FILIP1: variants seen among roughly 807,000 people sequenced by gnomAD.
The protein encoded by FILIP1 is filamin-A-interacting protein 1.
In FILIP1, 61 loss-of-function variants were observed where a neutral mutation model predicts 102.1. The observed-to-expected ratio is 0.60, with a 90% CI of 0.49 to 0.74. The LOEUF is 0.74. FILIP1 is among the 30% of genes least tolerant of loss of function. The pLI, the probability that FILIP1 is intolerant of heterozygous loss-of-function variation, is 0.00. For synonymous variants in FILIP1, 491 were observed against 526.9 expected, an observed-to-expected ratio of 0.93 and a Z score of 0.93; for missense variants, 1,314 against 1,441.2, an observed-to-expected ratio of 0.91 and a Z score of 1.43.
At chr6:75,376,579 G>T (rs936613827) in intron 2 of FILIP1, among the ~76,000 whole-genome samples, 7 of 151,996 alleles carry the variant, frequency 4.6e-5, no homozygotes, top group Admixed American at 4.6e-4. Flanking sequence ...GACATACAGT[G>T]AGGCCCAATG....
At chr6:75,392,034 C>G (rs1487195620) in intron 2 of FILIP1, among the ~76,000 whole-genome samples, 1 of 152,246 alleles carries the variant, frequency 6.6e-6, no homozygotes, top group African/African-American at 2.4e-5. Context: ...GCATCTGACA[C>G]TTTGGATCTT....
chr6:75,450,817 T>C (rs1254059313), intron 1 of FILIP1, among the ~76,000 whole-genome samples: 1 of 151,884 alleles, frequency 6.6e-6, no homozygotes, highest in Non-Finnish European at 1.5e-5. Context: ...TAGCCGGGCA[T>C]GGTGGTGCAT....
intron 1 of FILIP1, among the ~76,000 whole-genome samples, chr6:75,425,275 T>C (rs1340703227): frequency 1.3e-5 from 2 of 152,218 alleles, no homozygotes; most frequent in African/African-American, 2.4e-5. Context: ...TTAGTTGCTA[T>C]GTGAATGCCA....
chr6:75,468,519 G>A (rs901270725), intron 1 of FILIP1, among the ~76,000 whole-genome samples: 1 of 152,116 alleles, frequency 6.6e-6, no homozygotes, highest in Admixed American at 6.5e-5. Flanking sequence ...AAATGAGAAT[G>A]GACACAAAGA....
intron 1 of FILIP1, among the ~76,000 whole-genome samples, chr6:75,487,984 G>A (rs1364495541): frequency 2.0e-5 from 3 of 151,918 alleles, no homozygotes; most frequent in Non-Finnish European, 4.4e-5. Flanking sequence ...TAAACCTTAA[G>A]GGCTCAATTA....
chr6:75,473,697 C>T (rs937593572), intron 1 of FILIP1: 1 of 152,126 alleles, frequency 6.6e-6, no homozygotes. Flanking sequence ...TTTGGGACAA[C>T]GTATAACAAT....
At chr6:75,424,288 G>A (rs921779263) in intron 1 of FILIP1, among the ~76,000 whole-genome samples, 3 of 152,120 alleles carry the variant, frequency 2.0e-5, no homozygotes, top group Non-Finnish European at 2.9e-5. Context: ...ACAGGGCATA[G>A]CATCCCCCAA....
At chr6:75,479,000 G>C (rs1779567837) in intron 1 of FILIP1, among the ~76,000 whole-genome samples, 1 of 152,078 alleles carries the variant, frequency 6.6e-6, no homozygotes, top group African/African-American at 2.4e-5. Context: ...ATCAGTTTAT[G>C]TTTTAATAAT....
At chr6:75,427,130 T>C (rs1777653246) in intron 1 of FILIP1, among the ~76,000 whole-genome samples, 2 of 152,158 alleles carry the variant, frequency 1.3e-5, no homozygotes. Context: ...AATTTTGATT[T>C]GGTCTAGGAT....
At chr6:75,339,430 T>C (rs1562477445) in intron 4 of FILIP1, among the ~76,000 whole-genome samples, 1 of 152,212 alleles carries the variant, frequency 6.6e-6, no homozygotes, top group Non-Finnish European at 1.5e-5. Context: ...TCAAAATAAG[T>C]GAATTTGTAT....
intron 5 of FILIP1, among the ~76,000 whole-genome samples, chr6:75,310,679 C>T (rs1326784420): frequency 6.6e-6 from 1 of 152,140 alleles, no homozygotes; most frequent in East Asian, 1.9e-4. Context: ...AGAAAATATG[C>T]TTTAAGTTAC....
intron 3 of FILIP1, chr6:75,358,689 C>T (rs1393435417): frequency 1.3e-5 from 2 of 150,048 alleles, no homozygotes; most frequent in Admixed American, 1.3e-4. Context: ...GACGGAATTG[C>T]CAATATTTAT....
At chr6:75,493,210 G>T (rs1780015605) in intron 1 of FILIP1, among the ~76,000 whole-genome samples, 1 of 152,170 alleles carries the variant, frequency 6.6e-6, no homozygotes, top group South Asian at 2.1e-4. Flanking sequence ...GTTTAAAAAG[G>T]AATTGGTATA....
At chr6:75,378,626 C>A (rs965234544) in intron 2 of FILIP1, among the ~76,000 whole-genome samples, 3 of 152,152 alleles carry the variant, frequency 2.0e-5, no homozygotes, top group African/African-American at 7.2e-5. Context: ...AACTGATGCA[C>A]AACTCTTCTA....
intron 2 of FILIP1, among the ~76,000 whole-genome samples, chr6:75,381,714 A>C (rs890421219): frequency 5.9e-5 from 9 of 152,192 alleles, no homozygotes; most frequent in Non-Finnish European, 1.0e-4. Flanking sequence ...TTGTAGATTT[A>C]GATATGTAAT....
intron 1 of FILIP1, among the ~76,000 whole-genome samples, chr6:75,435,410 T>C (rs933230659): frequency 2.6e-5 from 4 of 152,338 alleles, no homozygotes; most frequent in Admixed American, 6.5e-5. Context: ...TATAAATGAA[T>C]GGGTAAATTA....
intron 1 of FILIP1, among the ~76,000 whole-genome samples, chr6:75,425,354 T>C (rs1197984093): frequency 2.0e-5 from 3 of 152,192 alleles, no homozygotes; most frequent in African/African-American, 7.2e-5. Context: ...GAAATTTCTT[T>C]TATCTAAAAT....
At chr6:75,370,118 T>A (rs1328858085) in intron 2 of FILIP1, among the ~76,000 whole-genome samples, 1 of 152,238 alleles carries the variant, frequency 6.6e-6, no homozygotes. Context: ...ATTATTTAAC[T>A]TCTTAAATAT....
chr6:75,421,779 G>A (rs543726273), intron 1 of FILIP1, among the ~76,000 whole-genome samples: 4 of 152,138 alleles, frequency 2.6e-5, no homozygotes, highest in South Asian at 2.1e-4. Flanking sequence ...TAAGAATAGC[G>A]TTTCTATTTT....
Sources: allele counts gnomAD v4.1 joint callset (sites outside exome capture counted in the v4.1 genomes callset), GRCh38; gene constraint gnomAD v4.1.1; transcripts MANE v1.5; gene names NCBI Gene and HGNC (gene_info 2026-07-23, HGNC 2026-07-21).